The following TRERF1 variants were observed in gnomAD, a reference collection of about 807,000 sequenced individuals.
TRERF1 encodes the protein transcriptional-regulating factor 1.
Under a neutral mutation model 122.9 loss-of-function variants are expected in TRERF1, and 27 were observed. The observed-to-expected ratio is 0.22, with a 90% CI of 0.16 to 0.30. The LOEUF is 0.30. Ranked by LOEUF, TRERF1 falls within the 10% of genes least tolerant of loss-of-function variation. The pLI is 1.00. For missense variants in TRERF1, 1,248 were observed against 1,560.3 expected, an observed-to-expected ratio of 0.80 and a Z score of 3.37; for synonymous variants, 636 against 641.7, an observed-to-expected ratio of 0.99 and a Z score of 0.13.
intron 3 of TRERF1, among the ~76,000 whole-genome samples, chr6:42,327,505 T>A (rs1476126076): frequency 6.6e-6 from 1 of 152,188 alleles, no homozygotes; most frequent in Non-Finnish European, 1.5e-5. Context: ...TAGTCCATAA[T>A]GAGGACCCCA....
At chr6:42,356,384 G>C (rs562615058) in intron 3 of TRERF1, among the ~76,000 whole-genome samples, 1 of 152,320 alleles carries the variant, frequency 6.6e-6, no homozygotes, top group South Asian at 2.1e-4. Flanking sequence ...CCCACGATGG[G>C]ATGGGTGATC....
At chr6:42,442,244 A>G (rs550779399) in intron 2 of TRERF1, among the ~76,000 whole-genome samples, 1 of 151,714 alleles carries the variant, frequency 6.6e-6, no homozygotes, top group East Asian at 1.9e-4. Flanking sequence ...TTGGGCATCA[A>G]CTCCAGCTTT....
intron 4 of TRERF1, among the ~76,000 whole-genome samples, chr6:42,279,381 T>TGGGCA (rs979152623): frequency 2.0e-5 from 3 of 152,110 alleles, no homozygotes; most frequent in African/African-American, 7.2e-5. Flanking sequence ...GCAGCTGTCC[T>TGGGCA]GGGCAGGGCA....
intron 2 of TRERF1, among the ~76,000 whole-genome samples, chr6:42,434,170 T>C (rs1428402815): frequency 1.3e-5 from 2 of 152,028 alleles, no homozygotes; most frequent in South Asian, 2.1e-4. Flanking sequence ...TCCAGAGACA[T>C]GTAGGATACC....
chr6:42,357,516 A>G (rs1275549103), intron 3 of TRERF1, among the ~76,000 whole-genome samples: 1 of 152,076 alleles, frequency 6.6e-6, no homozygotes, highest in African/African-American at 2.4e-5. Context: ...TTTTATTGAG[A>G]AAGCCACATC....
chr6:42,341,642 G>C (rs1016591967), intron 3 of TRERF1, among the ~76,000 whole-genome samples: 1 of 152,212 alleles, frequency 6.6e-6, no homozygotes, highest in African/African-American at 2.4e-5. Flanking sequence ...GCAAAGGTCT[G>C]AATGATGCCA....
At chr6:42,264,662 A>G (rs757500220) in intron 7 of TRERF1, 42 bp downstream of exon 7, 2 of 1,598,244 alleles carry the variant, frequency 1.3e-6, no homozygotes, top group Non-Finnish European at 1.7e-6. Flanking sequence ...CAAAGCAAGC[A>G]GCACACGACC....
At chr6:42,300,281 C>T (rs9381165) in intron 4 of TRERF1, among the ~76,000 whole-genome samples, 6 of 152,148 alleles carry the variant, frequency 3.9e-5, no homozygotes, top group Admixed American at 1.3e-4. Context: ...ACTCTCAGGT[C>T]GTGGACTGAG....
chr6:42,436,814 A>AAAAAATATATAT (rs61427173), intron 2 of TRERF1, among the ~76,000 whole-genome samples: 4 of 66,686 alleles, frequency 6.0e-5, no homozygotes, highest in Non-Finnish European at 1.1e-4. Context: ...AAAAAAAAAA[A>AAAAAATATATAT]ATATATATAT....
chr6:42,307,412 A>G (rs532206326), intron 3 of TRERF1, among the ~76,000 whole-genome samples: 2 of 152,310 alleles, frequency 1.3e-5, no homozygotes, highest in East Asian at 3.9e-4. Context: ...AAAATCCTTT[A>G]ATTTTTAATT....
intron 2 of TRERF1, among the ~76,000 whole-genome samples, chr6:42,389,006 G>C (rs745572429): frequency 2.0e-5 from 3 of 152,176 alleles, no homozygotes; most frequent in Non-Finnish European, 2.9e-5. Context: ...CTTCCACCAA[G>C]ACTGGAACCT....
rs1289047997 is a variant in TRERF1, at chr6:42,393,637, T to C, written c.-453-30558A>G. ...TAAAACAGTGACCTAGCTATTAAAATCTGCATTCCCAAATCCGCTGCAGCA... is the reference window on the plus strand; with the variant it reads ...TAAAACAGTGACCTAGCTATTAAAACCTGCATTCCCAAATCCGCTGCAGCA... On this transcript the variant is annotated intron_variant, in intron 2 of 17. Transcript: ENST00000372922. The surrounding 1 kb of genome is among the most constrained non-coding windows in gnomAD (Gnocchi z 4.1). 1.3e-5 allele frequency among the ~76,000 whole-genome samples: 2 copies of C among 152,314 alleles called. No individual in the cohort carries two copies. Among genetic ancestry groups the C allele is most frequent in the East Asian group, 3.9e-4 (2 of 5,180 alleles).
intron 3 of TRERF1, among the ~76,000 whole-genome samples, chr6:42,361,728 T>G (rs1161063421): frequency 2.6e-5 from 4 of 152,194 alleles, no homozygotes; most frequent in Non-Finnish European, 5.9e-5. Context: ...CTGCAACTCT[T>G]GACTCTGTGA....
intron 3 of TRERF1, among the ~76,000 whole-genome samples, chr6:42,321,416 T>C (rs1763433434): frequency 6.6e-6 from 1 of 150,488 alleles, no homozygotes; most frequent in Non-Finnish European, 1.5e-5. Flanking sequence ...AGAAAAAAAA[T>C]GAGGATATAA....
chr6:42,277,905 G>GAGGAAGAGGAAGAGGAAGAGGAAGAGGAA (rs1321566764), intron 4 of TRERF1, among the ~76,000 whole-genome samples: 1 of 85,008 alleles, frequency 1.2e-5, no homozygotes, highest in Admixed American at 1.2e-4. Flanking sequence ...GAAGGAAGAA[G>GAGGAAGAGGAAGAGGAAGAGGAAGAGGAA]GAAGAAGAAG....
Position 42,268,028 on chromosome 6 carries a change from A to T in TRERF1, c.1437+126T>A. ...AGACAGTGCGTGACACATGTAGGTT[A>T]ATGTTTGTGGAATTAGTAAAGAACA... On this transcript the variant is annotated intron_variant, in intron 5 of 17. Transcript: ENST00000372922. The surrounding 1 kb of genome is among the most constrained non-coding windows in gnomAD (Gnocchi z 4.4). The T allele has an allele frequency of 1.7e-6, 2 of 1,161,676 alleles. No homozygotes were observed. Among genetic ancestry groups the T allele is most frequent in the Non-Finnish European group, 2.3e-6 (2 of 880,378 alleles). The allele number at this position is 1,161,676 out of a possible 1,614,324, so 72.0% of individuals were successfully genotyped here.
In TRERF1 at chr6:42,228,947, G is replaced by A. The variant is rs1414064578; in HGVS notation, c.3279-278C>T. 1.3e-5 allele frequency among the ~76,000 whole-genome samples: 2 copies of A among 152,172 alleles called. No individual in the cohort carries two copies. The highest frequency in any genetic ancestry group is 2.9e-5 in the Non-Finnish European group (2 of 68,020). ...AAGGCCTCCTGTCCACCTGGAGTCTGGAGCACAGGCTCTTTCTCCTCTTTC... is the reference window on the plus strand; with the variant it reads ...AAGGCCTCCTGTCCACCTGGAGTCTAGAGCACAGGCTCTTTCTCCTCTTTC... On this transcript the variant is annotated intron_variant, in intron 17 of 17. Coordinates refer to ENST00000372922, the Ensembl canonical transcript of TRERF1. The surrounding 1 kb of genome is among the most constrained non-coding windows in gnomAD (Gnocchi z 4.2).
chr6:42,302,517 C>G (rs1481833916), intron 3 of TRERF1, among the ~76,000 whole-genome samples: 1 of 152,232 alleles, frequency 6.6e-6, no homozygotes, highest in East Asian at 1.9e-4. Context: ...ACTCTCAACT[C>G]CCTGCTTCAA....
intron 2 of TRERF1, among the ~76,000 whole-genome samples, chr6:42,396,174 G>A (rs1408538876): frequency 6.6e-6 from 1 of 152,160 alleles, no homozygotes; most frequent in African/African-American, 2.4e-5. Context: ...TCAGAAAAAG[G>A]AGATGTAGAG....
Sources: gnomAD v4.1 joint callset for allele counts (sites outside exome capture counted in the v4.1 genomes callset) on GRCh38, gnomAD v4.1.1 for gene constraint, Gnocchi (gnomAD v3.1) non-coding constraint, MANE v1.5 for transcripts, NCBI Gene and HGNC (gene_info 2026-07-23, HGNC 2026-07-21) for gene names.